The following GPHN variants were observed in gnomAD, a reference collection of about 807,000 sequenced individuals.
The protein encoded by GPHN is gephyrin.
GPHN carries 17 observed loss-of-function variants against 95.5 expected under a neutral mutation model. The observed-to-expected ratio is 0.18, with a 90% CI of 0.12 to 0.27. The LOEUF is 0.27. Among genes scored for constraint, GPHN ranks in the 10% least tolerant of loss-of-function variants. The probability of loss-of-function intolerance (pLI) is 1.00; values close to 1 mark genes in which losing one functional copy is unlikely to be tolerated. For missense variants in GPHN, 660 were observed against 978.1 expected, an observed-to-expected ratio of 0.67 and a Z score of 4.34; for synonymous variants, 320 against 322.5, an observed-to-expected ratio of 0.99 and a Z score of 0.08.
intron 1 of GPHN, among the ~76,000 whole-genome samples, chr14:66,603,812 A>C (rs890538770): frequency 3.3e-5 from 5 of 150,148 alleles, no homozygotes; most frequent in African/African-American, 1.3e-4. Context: ...GTTGTAATGA[A>C]GGAATCATAA....
intron 1 of GPHN, among the ~76,000 whole-genome samples, chr14:66,596,568 G>T (rs979875043): frequency 6.6e-6 from 1 of 152,184 alleles, no homozygotes; most frequent in Non-Finnish European, 1.5e-5. Flanking sequence ...TGTCATAGCT[G>T]CCCTGAATGT....
intron 9 of GPHN, among the ~76,000 whole-genome samples, chr14:67,017,368 T>C (rs2073372373): frequency 6.6e-6 from 1 of 152,130 alleles, no homozygotes; most frequent in Non-Finnish European, 1.5e-5. Context: ...AGTTATTGGC[T>C]TAATGTTATT....
intron 10 of GPHN, among the ~76,000 whole-genome samples, chr14:67,029,678 C>A (rs2074095637): frequency 1.3e-5 from 2 of 152,302 alleles, no homozygotes; most frequent in African/African-American, 4.8e-5. Flanking sequence ...CTTAAAAGAT[C>A]TACTCATTTA....
At chr14:67,071,239 TC>T (rs1443653966) in intron 11 of GPHN, among the ~76,000 whole-genome samples, 3 of 152,078 alleles carry the variant, frequency 2.0e-5, no homozygotes, top group Non-Finnish European at 4.4e-5. Flanking sequence ...AACCCAAATG[TC>T]CATCAATGAT....
the GPHN span, chr14:67,224,658 C>A: frequency 3.1e-6 from 1 of 320,802 alleles, no homozygotes; most frequent in Non-Finnish European, 6.1e-6. Context: ...AAATTATGGG[C>A]TTATCTCTGA....
At chr14:67,419,711 T>C in the GPHN span, among the ~76,000 whole-genome samples, 1 of 152,016 alleles carries the variant, frequency 6.6e-6, no homozygotes, top group Admixed American at 6.5e-5. Context: ...TAGCCGGGCG[T>C]GGTGGCGGGC....
At chr14:67,584,755 T>C in the GPHN span, among the ~76,000 whole-genome samples, 1 of 152,244 alleles carries the variant, frequency 6.6e-6, no homozygotes, top group Non-Finnish European at 1.5e-5. Context: ...ACACAGTCCT[T>C]GCCTTCCTGG....
intron 9 of GPHN, among the ~76,000 whole-genome samples, chr14:66,992,038 G>A (rs1030098276): frequency 2.5e-4 from 38 of 151,712 alleles, no homozygotes; most frequent in Non-Finnish European, 3.8e-4. Flanking sequence ...GAAAAAAGTA[G>A]ATAAATGTTC....
chr14:67,656,372 T>C, the GPHN span: 1 of 1,492,750 alleles, frequency 6.7e-7, no homozygotes, highest in Non-Finnish European at 9.0e-7. Context: ...AGTGGCCCCC[T>C]AATTACCCCA....
At chr14:66,883,137 G>A (rs1042440616) in intron 5 of GPHN, among the ~76,000 whole-genome samples, 4 of 151,408 alleles carry the variant, frequency 2.6e-5, no homozygotes, top group African/African-American at 9.7e-5. Flanking sequence ...TTTTTTTGCT[G>A]CTCCTATGAC....
the GPHN span, among the ~76,000 whole-genome samples, chr14:67,339,167 T>C: frequency 6.6e-6 from 1 of 152,140 alleles, no homozygotes; most frequent in Non-Finnish European, 1.5e-5. Flanking sequence ...GGCTAATTTT[T>C]TGTATTTTTA....
chr14:67,517,150 G>T, the GPHN span, among the ~76,000 whole-genome samples: 1 of 152,192 alleles, frequency 6.6e-6, no homozygotes, highest in African/African-American at 2.4e-5. Context: ...TCAGGGACAC[G>T]CTGGCAAGAA....
chr14:67,312,612 G>A, the GPHN span: 1 of 1,613,738 alleles, frequency 6.2e-7, no homozygotes, highest in Non-Finnish European at 8.5e-7. Context: ...TTTCAAAAAG[G>A]TGATATACTT....
intron 4 of GPHN, among the ~76,000 whole-genome samples, chr14:66,866,195 C>G (rs1045447563): frequency 2.6e-5 from 4 of 152,084 alleles, no homozygotes; most frequent in Admixed American, 2.6e-4. Context: ...CCATATTATG[C>G]ATTAGATTTC....
intron 4 of GPHN, among the ~76,000 whole-genome samples, chr14:66,828,228 TAATA>T (rs750603677): frequency 6.1e-4 from 92 of 151,968 alleles, no homozygotes; most frequent in Admixed American, 1.5e-3. Flanking sequence ...ATAAAATAAA[TAATA>T]AATAAGCAAA....
the GPHN span, among the ~76,000 whole-genome samples, chr14:67,295,569 A>C: frequency 6.6e-6 from 1 of 152,122 alleles, no homozygotes; most frequent in African/African-American, 2.4e-5. Flanking sequence ...TCACTTCACA[A>C]AAAAGAGGAA....
intron 1 of GPHN, among the ~76,000 whole-genome samples, chr14:66,543,392 T>G (rs1378069782): frequency 2.0e-5 from 3 of 152,216 alleles, no homozygotes; most frequent in Admixed American, 6.5e-5. Flanking sequence ...ACATACTTTT[T>G]TTTCACATGA....
At chr14:67,569,950 G>T in the GPHN span, 4 of 1,610,078 alleles carry the variant, frequency 2.5e-6, no homozygotes, top group African/African-American at 5.3e-5. Context: ...TGTTTCCCCT[G>T]GGTCTTTCTC....
At chr14:67,301,258 T>G in the GPHN span, 1 of 490,178 alleles carries the variant, frequency 2.0e-6, no homozygotes, top group South Asian at 5.1e-5. Flanking sequence ...CTAATAATTC[T>G]TTTTAGTGAT....
Sources: allele counts gnomAD v4.1 joint callset (sites outside exome capture counted in the v4.1 genomes callset), GRCh38; gene constraint gnomAD v4.1.1; transcripts MANE v1.5; gene names NCBI Gene and HGNC (gene_info 2026-07-23, HGNC 2026-07-21).